The following RBMS1 variants were observed in gnomAD, a reference collection of about 807,000 sequenced individuals.
RBMS1 encodes RNA-binding motif, single-stranded-interacting protein 1.
In RBMS1, 17 loss-of-function variants were observed where a neutral mutation model predicts 62.3. The ratio of observed to expected loss-of-function variants is 0.27; its 90% confidence interval spans 0.19 to 0.41. The LOEUF (loss-of-function observed/expected upper bound fraction) is 0.41, where lower values mean the gene tolerates loss of function less well. Among genes scored for constraint, RBMS1 ranks in the 10% least tolerant of loss-of-function variants. The pLI is 1.00. For missense variants in RBMS1, 334 were observed against 504.5 expected (o/e 0.66, Z 3.24); for synonymous variants, 172 against 170.0 (o/e 1.01, Z -0.09).
chr2:160,398,203 G>T (rs1695244126), intron 1 of RBMS1, among the ~76,000 whole-genome samples: 1 of 152,176 alleles, frequency 6.6e-6, no homozygotes, highest in South Asian at 2.1e-4. Flanking sequence ...TATTTTGGTA[G>T]GCTGAATACT....
intron 1 of RBMS1, among the ~76,000 whole-genome samples, chr2:160,439,944 ACTC>A (rs1271616265): frequency 6.6e-6 from 1 of 151,986 alleles, no homozygotes; most frequent in Non-Finnish European, 1.5e-5. Flanking sequence ...AATCGCAGGC[ACTC>A]GGCAAGCTGA....
intron 2 of RBMS1, among the ~76,000 whole-genome samples, chr2:160,334,514 G>T (rs1252109860): frequency 6.6e-6 from 1 of 152,172 alleles, no homozygotes; most frequent in Non-Finnish European, 1.5e-5. Flanking sequence ...CACTGCAGTT[G>T]AAAGAAACCA....
At chr2:160,386,839 C>G (rs563165580) in intron 1 of RBMS1, among the ~76,000 whole-genome samples, 1 of 152,184 alleles carries the variant, frequency 6.6e-6, no homozygotes, top group Non-Finnish European at 1.5e-5. Flanking sequence ...AGACATCAAC[C>G]ATTCAGGTCT....
chr2:160,448,162 A>G (rs1683744600), intron 1 of RBMS1, among the ~76,000 whole-genome samples: 1 of 152,172 alleles, frequency 6.6e-6, no homozygotes, highest in African/African-American at 2.4e-5. Flanking sequence ...TATTCTTTCC[A>G]TAATATCAGC....
chr2:160,492,943 C>T (rs1035305377), intron 1 of RBMS1: 2 of 246,828 alleles, frequency 8.1e-6, no homozygotes, highest in Non-Finnish European at 1.5e-5. Context: ...GATCCAGACG[C>T]GCACACCAGG....
chr2:160,281,772 A>G (rs1219919271), intron 9 of RBMS1: 1 of 179,472 alleles, frequency 5.6e-6, no homozygotes, highest in East Asian at 1.5e-4. Context: ...TAATTCCAGC[A>G]CATCTTATTA....
chr2:160,352,780 T>G (rs1440896326), intron 2 of RBMS1, among the ~76,000 whole-genome samples: 5 of 152,114 alleles, frequency 3.3e-5, no homozygotes, highest in Non-Finnish European at 5.9e-5. Context: ...CTCACCATGA[T>G]CTAATAGACA....
At chr2:160,278,762 G>A in intron 10 of RBMS1, 104 bp from the exon 11 acceptor site, 1 of 707,372 alleles carries the variant, frequency 1.4e-6, no homozygotes, top group Non-Finnish European at 2.3e-6. Flanking sequence ...TTAAGAATGT[G>A]AAGCAAAAAC....
At chr2:160,354,144 T>C (rs6724146) in intron 2 of RBMS1, among the ~76,000 whole-genome samples, 114,569 of 152,012 alleles carry the variant, frequency 0.75, 43,816 homozygotes, top group East Asian at 0.83. Flanking sequence ...CTGGTGCGTG[T>C]TCCTCGTTAA....
intron 4 of RBMS1, among the ~76,000 whole-genome samples, chr2:160,304,432 T>C (rs1689380772): frequency 6.6e-6 from 1 of 152,198 alleles, no homozygotes; most frequent in African/African-American, 2.4e-5. Flanking sequence ...GTTTTTGACC[T>C]AATACCAGTA....
intron 2 of RBMS1, among the ~76,000 whole-genome samples, chr2:160,364,552 C>G (rs1273412244): frequency 6.6e-6 from 1 of 152,330 alleles, no homozygotes; most frequent in African/African-American, 2.4e-5. Context: ...ATGACTCCCT[C>G]TTTCGAGTCT....
intron 1 of RBMS1, among the ~76,000 whole-genome samples, chr2:160,456,258 G>C (rs1245706108): frequency 6.6e-6 from 1 of 152,128 alleles, no homozygotes; most frequent in Non-Finnish European, 1.5e-5. Flanking sequence ...GCTTTCTATG[G>C]TTTGTCTGAT....
chr2:160,489,554 T>G (rs886381878), intron 1 of RBMS1, among the ~76,000 whole-genome samples: 1 of 152,138 alleles, frequency 6.6e-6, no homozygotes, highest in Non-Finnish European at 1.5e-5. Context: ...ATGCAAAAGT[T>G]CAATGCAGAA....
At chr2:160,401,376 T>C (rs534820680) in intron 1 of RBMS1, among the ~76,000 whole-genome samples, 9 of 152,322 alleles carry the variant, frequency 5.9e-5, no homozygotes, top group South Asian at 4.1e-4. Flanking sequence ...CCAACAGTTA[T>C]ATTGATTTTT....
At chr2:160,415,829 C>A (rs563098436) in intron 1 of RBMS1, among the ~76,000 whole-genome samples, 9 of 152,062 alleles carry the variant, frequency 5.9e-5, no homozygotes, top group Admixed American at 4.6e-4. Flanking sequence ...TAAATTAGGT[C>A]TATTTCATTT....
intron 1 of RBMS1, among the ~76,000 whole-genome samples, chr2:160,378,193 CA>C (rs1424789999): frequency 3.3e-5 from 5 of 151,624 alleles, no homozygotes; most frequent in African/African-American, 1.2e-4. Context: ...TTAAAGCTCC[CA>C]AAAAATGCTC....
At chr2:160,426,224 A>G (rs1028029738) in intron 1 of RBMS1, among the ~76,000 whole-genome samples, 1 of 86,246 alleles carries the variant, frequency 1.2e-5, no homozygotes, top group East Asian at 3.0e-4. Flanking sequence ...GACAGAAGAA[A>G]GAAAGAAAGA....
intron 1 of RBMS1, among the ~76,000 whole-genome samples, chr2:160,384,907 T>A (rs894149858): frequency 1.3e-5 from 2 of 152,212 alleles, no homozygotes; most frequent in Admixed American, 1.3e-4. Context: ...AGATCCCTCA[T>A]GAGTGGCTTA....
chr2:160,375,297 C>T (rs1352634786), intron 1 of RBMS1, among the ~76,000 whole-genome samples: 3 of 152,158 alleles, frequency 2.0e-5, no homozygotes, highest in Non-Finnish European at 4.4e-5. Context: ...CATCATACTG[C>T]GGCACCATTT....
Sources: allele counts gnomAD v4.1 joint callset (sites outside exome capture counted in the v4.1 genomes callset), GRCh38; gene constraint gnomAD v4.1.1; transcripts MANE v1.5; gene names NCBI Gene and HGNC (gene_info 2026-07-23, HGNC 2026-07-21).